SERPINE2: variants seen among roughly 807,000 people sequenced by gnomAD.
SERPINE2 encodes serpin family E member 2, also known as glia-derived nexin.
Under a neutral mutation model 36.3 loss-of-function variants are expected in SERPINE2, and 14 were observed. The ratio of observed to expected loss-of-function variants is 0.39; its 90% CI spans 0.25 to 0.60. SERPINE2 has a LOEUF of 0.60. SERPINE2 is among the 20% of genes least tolerant of loss of function. The probability of loss-of-function intolerance (pLI) is 0.57; values close to 1 mark genes in which losing one functional copy is unlikely to be tolerated. For synonymous variants in SERPINE2, 192 were observed against 191.8 expected (o/e 1.00, Z -0.01); for missense variants, 418 against 499.6 (o/e 0.84, Z 1.56).
At chr2:223,998,557 A>G (rs888239033) in intron 2 of SERPINE2, among the ~76,000 whole-genome samples, 1 of 152,068 alleles carries the variant, frequency 6.6e-6, no homozygotes, top group African/African-American at 2.4e-5. Flanking sequence ...GTCTCTACCA[A>G]AAATACAAAA....
intron 1 of SERPINE2, chr2:224,029,957 A>G: frequency 1.4e-6 from 1 of 725,146 alleles, no homozygotes; most frequent in Non-Finnish European, 1.7e-6. Context: ...TCAGCCTCCC[A>G]AACTGCTGGG....
In SERPINE2 at chr2:223,985,017, G is replaced by C. The variant is rs903787340; in HGVS notation, c.686-67C>G. 3.4e-5 allele frequency: 49 copies of C among 1,425,604 alleles called. 1 individual carries two copies. Among genetic ancestry groups the C allele is most frequent in the Non-Finnish European group, 4.7e-5 (48 of 1,013,258 alleles). 88.3% of individuals were successfully genotyped at this position (1,425,604 alleles called of 1,614,324 possible). On this transcript the variant is annotated intron_variant, in intron 4 of 8. Coordinates refer to ENST00000409304, the MANE Select transcript of SERPINE2 (RefSeq NM_001136528.2). ...TCTAGAAGCAGGATGAGTGCTTGCT[G>C]GTCACCGGGATAGCTTCAGAGAGCA...
At chr2:223,984,372 A>G (rs1690344833) in intron 5 of SERPINE2, among the ~76,000 whole-genome samples, 1 of 152,230 alleles carries the variant, frequency 6.6e-6, no homozygotes, top group African/African-American at 2.4e-5. Context: ...TCCTTATGAA[A>G]GCACATGGAG....
At chr2:224,007,031 C>G (rs1202655713) in intron 1 of SERPINE2, among the ~76,000 whole-genome samples, 1 of 152,226 alleles carries the variant, frequency 6.6e-6, no homozygotes, top group East Asian at 1.9e-4. Context: ...AACAACTGAA[C>G]AGTGGCAACT....
chr2:224,006,742 T>C (rs562835338), intron 1 of SERPINE2, among the ~76,000 whole-genome samples: 4 of 152,200 alleles, frequency 2.6e-5, no homozygotes, highest in Non-Finnish European at 5.9e-5. Context: ...TCTAAAAATA[T>C]TTTTAGCAAC....
chr2:224,022,027 C>T (rs1480868904), intron 1 of SERPINE2, among the ~76,000 whole-genome samples: 13 of 151,830 alleles, frequency 8.6e-5, no homozygotes, highest in Non-Finnish European at 1.9e-4. Context: ...GGCATGGTGG[C>T]GGGCGCCTGT....
At chr2:224,035,419 T>G (rs861441) in intron 1 of SERPINE2, among the ~76,000 whole-genome samples, 92,688 of 151,528 alleles carry the variant, frequency 0.61, 28,908 homozygotes, top group South Asian at 0.71. Context: ...GTCTCACTCT[T>G]TCACCCAGGC....
At chr2:224,033,530 CA>C (rs1692444621) in intron 1 of SERPINE2, among the ~76,000 whole-genome samples, 1 of 152,018 alleles carries the variant, frequency 6.6e-6, no homozygotes, top group South Asian at 2.1e-4. Context: ...TCAATATACC[CA>C]TTATACAGAC....
chr2:223,997,743 GAT>G (rs1056097642), intron 3 of SERPINE2, among the ~76,000 whole-genome samples: 1 of 152,174 alleles, frequency 6.6e-6, no homozygotes, highest in Non-Finnish European at 1.5e-5. Flanking sequence ...AACCTGGAAG[GAT>G]GAGGAGGACA....
intron 3 of SERPINE2, among the ~76,000 whole-genome samples, chr2:223,997,625 C>CG (rs967852796): frequency 2.0e-4 from 31 of 152,094 alleles, no homozygotes; most frequent in East Asian, 7.7e-4. Flanking sequence ...GGGCTGTAAT[C>CG]GGGGGGGTGT....
rs531712474 is a variant in SERPINE2, at chr2:223,977,268, CAA to C, written c.1156+274_1156+275del. On this transcript the variant is annotated intron_variant, in intron 8 of 8. Coordinates refer to ENST00000409304, the MANE Select transcript of SERPINE2 (RefSeq NM_001136528.2). The stretch of plus-strand genomic sequence containing the variant: ...TAAATATGGAAAAGTCAATAGATGT[CAA>C]AAGTGTTCCAAAGGGATGCTGAGCC... Among the ~76,000 whole-genome samples the C allele has an allele frequency of 5.9e-5, 9 of 152,264 alleles. No homozygotes were observed. In the East Asian group the frequency reaches 1.5e-3, roughly 26 times the overall value.
intron 1 of SERPINE2, among the ~76,000 whole-genome samples, chr2:224,020,349 G>A (rs1691955101): frequency 6.6e-6 from 1 of 152,132 alleles, no homozygotes; most frequent in Non-Finnish European, 1.5e-5. Context: ...TCCATATCTG[G>A]TCTGACCATT....
At position 224,011,345 on chromosome 2, in the gene SERPINE2, A is replaced by T. The variant is rs188405350; in HGVS notation, c.-22-9423T>A. On this transcript the variant is annotated intron_variant, in intron 1 of 8. Coordinates refer to ENST00000409304, the MANE Select transcript of SERPINE2 (RefSeq NM_001136528.2). ...GAAGTACCTTTTTTAGACATAAAAA[A>T]TATTACACATAGTTCATGACCATGT... is the stretch of plus-strand genomic sequence containing the variant. Among the ~76,000 whole-genome samples the T allele has an allele frequency of 4.5e-3, 687 of 152,350 alleles. 5 individuals are homozygous for T. The highest frequency in any genetic ancestry group is 0.012 in the African/African-American group (512 of 41,584).
chr2:223,991,994 A>C lies in SERPINE2; in HGVS notation c.494T>G (p.Ile165Ser). The C allele has an allele frequency of 6.2e-7, 1 of 1,614,000 alleles. No homozygotes were observed. Among genetic ancestry groups the C allele is most frequent in the South Asian group, 1.1e-5 (1 of 90,998 alleles). The part of the protein sequence containing the change: ...AWVKNETRDM[I>S]DNLLSPDLID... ...AAGATCTGGGGACAGCAGATTGTCA[A>C]TCATATCTGTGAAGCCAAAGAACAA... The change falls in exon 4 of 9, where the codon ATT (isoleucine) becomes AGT (serine). Residue 165 changes from isoleucine (I) to serine (S), a missense_variant. Coordinates refer to ENST00000409304, the MANE Select transcript of SERPINE2 (RefSeq NM_001136528.2).
intron 3 of SERPINE2, among the ~76,000 whole-genome samples, chr2:223,996,904 C>G (rs1290940307): frequency 6.6e-6 from 1 of 152,078 alleles, no homozygotes; most frequent in Non-Finnish European, 1.5e-5. Context: ...CAGTGAGACC[C>G]CACCTCTTCA....
At chr2:223,983,335 C>T (rs1463132761) in intron 5 of SERPINE2, among the ~76,000 whole-genome samples, 1 of 152,132 alleles carries the variant, frequency 6.6e-6, no homozygotes, top group Non-Finnish European at 1.5e-5. Context: ...CTCACTGCAA[C>T]CTCTGCCTCC....
chr2:223,997,058 CA>C (rs754149556), intron 3 of SERPINE2, among the ~76,000 whole-genome samples: 8 of 152,266 alleles, frequency 5.3e-5, no homozygotes, highest in Non-Finnish European at 8.8e-5. Context: ...GCCTAAGAGA[CA>C]GAGTGAGACC....
intron 1 of SERPINE2, among the ~76,000 whole-genome samples, chr2:224,015,293 A>G (rs566936497): frequency 6.6e-6 from 1 of 152,146 alleles, no homozygotes; most frequent in Admixed American, 6.5e-5. Context: ...CATCGAGGAG[A>G]GTGTGTAAGA....
chr2:224,017,623 C>T (rs1436315893), intron 1 of SERPINE2, among the ~76,000 whole-genome samples: 2 of 152,216 alleles, frequency 1.3e-5, no homozygotes, highest in Admixed American at 6.5e-5. Flanking sequence ...TCAAATGTCA[C>T]CTCCACTGCC....
Sources: gnomAD v4.1 joint callset for allele counts (sites outside exome capture counted in the v4.1 genomes callset) on GRCh38, gnomAD v4.1.1 for gene constraint, MANE v1.5 for transcripts, NCBI Gene and HGNC (gene_info 2026-07-23, HGNC 2026-07-21) for gene names.